The following SRPK2 variants were observed in gnomAD, a reference collection of about 807,000 sequenced individuals.
SRPK2 encodes SRSF protein kinase 2.
A neutral mutation model predicts 90.8 loss-of-function variants in SRPK2; 21 were observed. That is an observed-to-expected ratio of 0.23 (90% confidence interval 0.16 to 0.33). The LOEUF (loss-of-function observed/expected upper bound fraction) is 0.33. Among genes scored for constraint, SRPK2 ranks in the 10% least tolerant of loss-of-function variants. SRPK2 has a pLI of 1.00. For missense variants in SRPK2, 620 were observed against 869.0 expected (o/e 0.71, Z 3.60); for synonymous variants, 288 against 311.1 (o/e 0.93, Z 0.78).
chr7:105,383,133 C>G (rs1206482056), intron 2 of SRPK2, among the ~76,000 whole-genome samples: 1 of 130,280 alleles, frequency 7.7e-6, no homozygotes, highest in Non-Finnish European at 1.5e-5. Flanking sequence ...GGCACAATCT[C>G]GGTTCACTGC....
intron 3 of SRPK2, among the ~76,000 whole-genome samples, chr7:105,170,432 CCTGTAATCCCAGCACTTT>C (rs1790663306): frequency 6.6e-6 from 1 of 151,968 alleles, no homozygotes; most frequent in Non-Finnish European, 1.5e-5. Flanking sequence ...GTGGCTCACA[CCTGTAATCCCAGCACTTT>C]GGGAGGCCAA....
chr7:105,357,976 G>GTTGT (rs1817971682), intron 2 of SRPK2, among the ~76,000 whole-genome samples: 1 of 152,052 alleles, frequency 6.6e-6, no homozygotes, highest in Admixed American at 6.6e-5. Flanking sequence ...TATAATCCCA[G>GTTGT]CACTTTGGGA....
chr7:105,360,764 G>A (rs1563285744), intron 2 of SRPK2, among the ~76,000 whole-genome samples: 2 of 152,020 alleles, frequency 1.3e-5, no homozygotes, highest in African/African-American at 4.8e-5. Flanking sequence ...TCCCTTTGTG[G>A]GTAACCCGAC....
At chr7:105,121,227 C>A (rs191144166) in intron 15 of SRPK2, among the ~76,000 whole-genome samples, 17 of 152,044 alleles carry the variant, frequency 1.1e-4, no homozygotes, top group Admixed American at 7.9e-4. Context: ...CACCTGTAAT[C>A]CCAGCTACTT....
chr7:105,145,326 A>G lies in SRPK2; in HGVS notation c.788-18T>C. 1 of 1,584,306 alleles carries G rather than the reference A, an allele frequency of 6.3e-7. No homozygotes were observed. Among genetic ancestry groups the G allele is most frequent in the Non-Finnish European group, 8.6e-7 (1 of 1,164,480 alleles). On this transcript the variant is annotated intron_variant, in intron 8 of 15. Coordinates refer to ENST00000393651, the MANE Select transcript of SRPK2 (RefSeq NM_182692.3). Reference sequence around the variant, plus strand: ...CGTACTCACTAAAATAAAATCAAACAAAATCTGTATTTAGCAGAAAACAGA... The same window carrying G: ...CGTACTCACTAAAATAAAATCAAACGAAATCTGTATTTAGCAGAAAACAGA...
chr7:105,237,709 G>C (rs1027586425), intron 2 of SRPK2, among the ~76,000 whole-genome samples: 10 of 152,178 alleles, frequency 6.6e-5, no homozygotes, highest in Non-Finnish European at 1.5e-4. Context: ...AGACCGAATG[G>C]GGATAGGGTC....
chr7:105,217,821 A>C (rs887676986), intron 2 of SRPK2, among the ~76,000 whole-genome samples: 1 of 152,228 alleles, frequency 6.6e-6, no homozygotes, highest in Non-Finnish European at 1.5e-5. Flanking sequence ...AGCATAAAAC[A>C]AGGCAGAACG....
At chr7:105,284,517 T>C (rs961815415) in intron 2 of SRPK2, among the ~76,000 whole-genome samples, 4 of 152,178 alleles carry the variant, frequency 2.6e-5, no homozygotes, top group Admixed American at 6.6e-5. Context: ...AATTTAAAGA[T>C]TCAACAGGTG....
chr7:105,146,408 G>GT, intron 8 of SRPK2, 85 bp downstream of exon 8: 1 of 1,421,870 alleles, frequency 7.0e-7, no homozygotes, highest in South Asian at 1.4e-5. Context: ...TATGTGTAAC[G>GT]TTTGATTCAG....
intron 15 of SRPK2, among the ~76,000 whole-genome samples, chr7:105,120,672 T>G (rs997218016): frequency 2.6e-5 from 4 of 151,176 alleles, no homozygotes; most frequent in Admixed American, 6.6e-5. Context: ...AAAAAATGTG[T>G]GGACTTTTTT....
At chr7:105,374,410 G>C (rs953032897) in intron 2 of SRPK2, among the ~76,000 whole-genome samples, 4 of 152,080 alleles carry the variant, frequency 2.6e-5, no homozygotes, top group Non-Finnish European at 5.9e-5. Context: ...CAATGTCTTT[G>C]ACCTAATATT....
At chr7:105,277,422 G>A (rs117154748) in intron 2 of SRPK2, among the ~76,000 whole-genome samples, 4 of 152,296 alleles carry the variant, frequency 2.6e-5, no homozygotes, top group East Asian at 3.9e-4. Context: ...CAAAAGGCCC[G>A]CAAAGGCTTT....
At chr7:105,196,610 GT>G (rs1236546405) in intron 3 of SRPK2, among the ~76,000 whole-genome samples, 1 of 152,192 alleles carries the variant, frequency 6.6e-6, no homozygotes, top group African/African-American at 2.4e-5. Context: ...ACTCCCAGGG[GT>G]CAAAACCGCA....
intron 2 of SRPK2, among the ~76,000 whole-genome samples, chr7:105,248,463 G>C (rs1384682727): frequency 2.8e-5 from 4 of 144,686 alleles, no homozygotes; most frequent in African/African-American, 5.1e-5. Flanking sequence ...AAAAAGTCAG[G>C]CATGGTGGTG....
intron 2 of SRPK2, among the ~76,000 whole-genome samples, chr7:105,289,683 G>T (rs1194132363): frequency 6.6e-6 from 1 of 152,110 alleles, no homozygotes; most frequent in Admixed American, 6.5e-5. Context: ...AGCAATAAGG[G>T]TGTTTTGCTT....
chr7:105,207,903 A>G (rs1445045203), intron 2 of SRPK2, among the ~76,000 whole-genome samples: 1 of 152,210 alleles, frequency 6.6e-6, no homozygotes, highest in African/African-American at 2.4e-5. Flanking sequence ...GTGATAAGTG[A>G]TAAGTGACTT....
intron 3 of SRPK2, among the ~76,000 whole-genome samples, chr7:105,193,431 T>C (rs188863934): frequency 9.2e-5 from 14 of 152,364 alleles, no homozygotes; most frequent in African/African-American, 3.4e-4. Context: ...TTTTGGTGAC[T>C]GTGCTCTTAC....
intron 15 of SRPK2, among the ~76,000 whole-genome samples, chr7:105,124,812 T>G (rs1800934383): frequency 6.6e-6 from 1 of 151,432 alleles, no homozygotes; most frequent in Non-Finnish European, 1.5e-5. Flanking sequence ...CTGAAAAATA[T>G]GAAGGACCAA....
chr7:105,139,898 G>A (rs1379988797), intron 11 of SRPK2, among the ~76,000 whole-genome samples: 1 of 151,888 alleles, frequency 6.6e-6, no homozygotes, highest in Non-Finnish European at 1.5e-5. Context: ...TGATATGCAG[G>A]TGCCTCTCGG....
Sources: allele counts gnomAD v4.1 joint callset (sites outside exome capture counted in the v4.1 genomes callset), GRCh38; gene constraint gnomAD v4.1.1; transcripts MANE v1.5; gene names NCBI Gene and HGNC (gene_info 2026-07-23, HGNC 2026-07-21).